The following NIPAL3 variants were observed in gnomAD, a reference collection of about 807,000 sequenced individuals.
NIPAL3 encodes the protein NIPA-like protein 3.
Under a neutral mutation model 47.2 loss-of-function variants are expected in NIPAL3, and 41 were observed. That is an observed-to-expected ratio of 0.87 (90% confidence interval 0.68 to 1.13). The LOEUF is 1.13. Among genes scored for constraint, NIPAL3 ranks in the 50% most tolerant of loss-of-function variants. NIPAL3 has a pLI of 0.00. For missense variants in NIPAL3, 449 were observed against 530.1 expected (o/e 0.85, Z 1.50); for synonymous variants, 194 against 209.6 (o/e 0.93, Z 0.64).
intron 2 of NIPAL3, among the ~76,000 whole-genome samples, chr1:24,428,791 G>A (rs10903086): frequency 0.43 from 65,357 of 151,906 alleles, 15,354 homozygotes; most frequent in African/African-American, 0.64. Flanking sequence ...ATAACCTTTT[G>A]GCCTCCAATG....
At chr1:24,432,585 A>G (rs1644925970) in intron 2 of NIPAL3, among the ~76,000 whole-genome samples, 1 of 152,212 alleles carries the variant, frequency 6.6e-6, no homozygotes, top group Non-Finnish European at 1.5e-5. Context: ...TTGACATAAT[A>G]ATTCTGAGCA....
Position 24,440,219 on chromosome 1 carries a change from C to A in NIPAL3, c.141C>A (p.Val47=). 6.3e-7 allele frequency: 1 copy of A among 1,595,178 alleles called. No homozygotes were observed. Among genetic ancestry groups the A allele is most frequent in the South Asian group, 1.1e-5 (1 of 88,314 alleles). ...TGGCGATCTTCGGGCACCTCGTGGT[C>A]AGCATTGCACTTAACCTCCAGGTAA... ...ALLAIFGHLV[V]SIALNLQKYC... is the part of the protein sequence containing the mutation. Residue 47 remains valine (V), a synonymous_variant, in exon 3 of 12, where the codon GTC becomes GTA. Transcript: ENST00000374399.
chr1:24,436,729 C>T (rs913131723), intron 2 of NIPAL3, among the ~76,000 whole-genome samples: 1 of 151,836 alleles, frequency 6.6e-6, no homozygotes. Context: ...GAACTCCTGA[C>T]CTCAGGTGAT....
chr1:24,444,332 A>T (rs1645546510), intron 4 of NIPAL3, among the ~76,000 whole-genome samples: 1 of 152,126 alleles, frequency 6.6e-6, no homozygotes, highest in African/African-American at 2.4e-5. Flanking sequence ...AAAGGAGAAG[A>T]AAAAGAAGAG....
intron 2 of NIPAL3, among the ~76,000 whole-genome samples, chr1:24,433,918 C>G (rs1408587277): frequency 6.6e-6 from 1 of 152,014 alleles, no homozygotes; most frequent in Admixed American, 6.6e-5. Context: ...TAATTATAAT[C>G]AGCACAGCCA....
intron 9 of NIPAL3, 48 bp downstream of exon 9, chr1:24,459,024 G>A: frequency 6.5e-7 from 1 of 1,542,394 alleles, no homozygotes; most frequent in South Asian, 1.1e-5. Flanking sequence ...TTAGCAGCAG[G>A]GTATTATCCC....
In NIPAL3 at chr1:24,442,186, G is replaced by A. The variant is rs755712281; in HGVS notation, c.294G>A (p.Pro98=). 18 of 1,613,924 alleles carry A rather than the reference G, an allele frequency of 1.1e-5. No homozygotes were observed. The highest frequency in any genetic ancestry group is 5.3e-5 in the African/African-American group (4 of 74,934). The change falls in exon 4 of 12, where the codon CCG becomes CCA. Residue 98 remains proline (P), a synonymous_variant. Coordinates refer to ENST00000374399, the MANE Select transcript of NIPAL3 (RefSeq NM_020448.5). ...TGTTCGCCTCCTACGCCTTCGCGCC[G>A]CTGTCACTCATCGTGCCCCTCAGCG... ...LGVFASYAFA[P]LSLIVPLSAV...
chr1:24,426,414 C>T (rs1158773366), intron 2 of NIPAL3, among the ~76,000 whole-genome samples: 1 of 152,074 alleles, frequency 6.6e-6, no homozygotes, highest in Non-Finnish European at 1.5e-5. Flanking sequence ...CATGCCTCAG[C>T]CTCCCGGGTA....
At chr1:24,455,968 C>T (rs550922643) in intron 7 of NIPAL3, among the ~76,000 whole-genome samples, 170 bp from the exon 8 acceptor site, 2 of 152,314 alleles carry the variant, frequency 1.3e-5, no homozygotes, top group African/African-American at 4.8e-5. Flanking sequence ...GAGGTGCACA[C>T]GAGACCCAGT....
At chr1:24,450,456 A>G (rs1169876786) in intron 6 of NIPAL3, among the ~76,000 whole-genome samples, 1 of 152,180 alleles carries the variant, frequency 6.6e-6, no homozygotes, top group Non-Finnish European at 1.5e-5. Context: ...CCCCTCCGCC[A>G]GAGCTCAGTC....
At chr1:24,442,419 C>T (rs764605251) in intron 4 of NIPAL3, among the ~76,000 whole-genome samples, 193 bp downstream of exon 4, 10 of 152,196 alleles carry the variant, frequency 6.6e-5, no homozygotes, top group Non-Finnish European at 1.2e-4. Context: ...CCTCCAGCCA[C>T]CTGTTGAGGG....
chr1:24,428,832 G>A (rs562022111), intron 2 of NIPAL3, among the ~76,000 whole-genome samples: 21 of 152,212 alleles, frequency 1.4e-4, no homozygotes, highest in African/African-American at 4.8e-4. Flanking sequence ...TCATCCTTGT[G>A]AGGTTTATAG....
rs1477091194 is a variant in NIPAL3 at position 24,471,152 on chromosome 1, T to C, written c.*1967T>C. On this transcript the variant is annotated 3_prime_UTR_variant, in exon 12 of 12. Coordinates refer to ENST00000374399, the MANE Select transcript of NIPAL3 (RefSeq NM_020448.5). ...AGATGGGTGGCAAATCTAAGATTTG[T>C]ATAAAGCATATAAAATAGGGTGATC... 1 of 152,184 alleles carries C rather than the reference T, an allele frequency of 6.6e-6. No individual in the cohort carries two copies. Among genetic ancestry groups the C allele is most frequent in the Non-Finnish European group, 1.5e-5 (1 of 68,078 alleles). 9.4% of individuals were successfully genotyped at this position (152,184 alleles called of 1,614,324 possible).
intron 2 of NIPAL3, among the ~76,000 whole-genome samples, chr1:24,438,629 G>C (rs1354691959): frequency 6.6e-6 from 1 of 152,244 alleles, no homozygotes; most frequent in Non-Finnish European, 1.5e-5. Context: ...CTGCGGGGCA[G>C]CTTGCTAATT....
chr1:24,464,899 C>A (rs1015586703), intron 11 of NIPAL3: 2 of 152,216 alleles, frequency 1.3e-5, no homozygotes, highest in African/African-American at 4.8e-5. Context: ...CACTGATGGT[C>A]TAGAGGACTG....
At position 24,445,059 on chromosome 1, in the gene NIPAL3, G is replaced by A. The variant is rs1011912964; in HGVS notation, c.335-126G>A. On this transcript the variant is annotated intron_variant, in intron 4 of 11. Transcript: ENST00000374399. Reference sequence around the variant, plus strand: ...TCACACAGGAACCAAGCTTTTGGCAGCATGAGTGACAGGTTAGGAAGTACC... The same window carrying A: ...TCACACAGGAACCAAGCTTTTGGCAACATGAGTGACAGGTTAGGAAGTACC... 38 of 601,748 alleles carry A rather than the reference G, an allele frequency of 6.3e-5. No individual in the cohort carries two copies. The East Asian group carries it at 1.0e-3, about 16-fold the overall frequency. 37.3% of individuals were successfully genotyped at this position (601,748 alleles called of 1,614,324 possible).
intron 2 of NIPAL3, among the ~76,000 whole-genome samples, chr1:24,423,044 G>A (rs1026161358): frequency 6.6e-6 from 1 of 152,092 alleles, no homozygotes; most frequent in East Asian, 1.9e-4. Flanking sequence ...TCCCCTCCCC[G>A]CAGGGGTAAT....
At chr1:24,448,794 C>G (rs1021420214) in intron 5 of NIPAL3, among the ~76,000 whole-genome samples, 1 of 152,070 alleles carries the variant, frequency 6.6e-6, no homozygotes, top group Non-Finnish European at 1.5e-5. Flanking sequence ...GGAGGAATTC[C>G]ACCTCTCATT....
intron 2 of NIPAL3, among the ~76,000 whole-genome samples, chr1:24,422,547 C>T (rs906013947): frequency 1.3e-5 from 2 of 152,214 alleles, no homozygotes; most frequent in Non-Finnish European, 2.9e-5. Context: ...CTCTACTCCC[C>T]TGCAAATTGT....
Sources: gnomAD v4.1 joint callset for allele counts (sites outside exome capture counted in the v4.1 genomes callset) on GRCh38, gnomAD v4.1.1 for gene constraint, MANE v1.5 for transcripts, NCBI Gene and HGNC (gene_info 2026-07-23, HGNC 2026-07-21) for gene names.